The following ST6GAL2 variants were observed in gnomAD, a reference collection of about 807,000 sequenced individuals.
The protein encoded by ST6GAL2 is beta-galactoside alpha-2,6-sialyltransferase 2.
In ST6GAL2, 24 loss-of-function variants were observed where a neutral mutation model predicts 37.5. The ratio of observed to expected loss-of-function variants is 0.64; its 90% CI spans 0.46 to 0.90. ST6GAL2 has a LOEUF of 0.90. Ranked by LOEUF, ST6GAL2 falls within the 40% of genes least tolerant of loss-of-function variation. The pLI, the probability that ST6GAL2 is intolerant of heterozygous loss-of-function variation, is 0.00. For missense variants in ST6GAL2, 715 were observed against 712.7 expected (o/e 1.00, Z -0.04); for synonymous variants, 306 against 295.1 (o/e 1.04, Z -0.38).
intron 1 of ST6GAL2, among the ~76,000 whole-genome samples, chr2:106,883,586 A>T (rs903250595): frequency 6.6e-6 from 1 of 152,164 alleles, no homozygotes; most frequent in Admixed American, 6.5e-5. Context: ...ATTTTTTTTA[A>T]GGGATGAGAT....
intron 5 of ST6GAL2, among the ~76,000 whole-genome samples, chr2:106,817,014 G>T (rs1675828358): frequency 6.6e-6 from 1 of 152,220 alleles, no homozygotes; most frequent in African/African-American, 2.4e-5. Context: ...TATGGAAGGA[G>T]CATTTAGACC....
chr2:106,847,589 G>C (rs1451591587), intron 1 of ST6GAL2, among the ~76,000 whole-genome samples: 2 of 152,068 alleles, frequency 1.3e-5, no homozygotes, highest in Admixed American at 6.5e-5. Context: ...TCTGCTGCTT[G>C]CTAGCTCTGT....
chr2:106,874,707 G>C (rs1435236793), intron 1 of ST6GAL2, among the ~76,000 whole-genome samples: 1 of 152,184 alleles, frequency 6.6e-6, no homozygotes, highest in Non-Finnish European at 1.5e-5. Context: ...AGGTGATGCT[G>C]AAGCCCAAGA....
intron 1 of ST6GAL2, among the ~76,000 whole-genome samples, chr2:106,857,086 T>C (rs1485032418): frequency 6.6e-6 from 1 of 152,206 alleles, no homozygotes; most frequent in Non-Finnish European, 1.5e-5. Flanking sequence ...TGCAAGGCTT[T>C]GTAAAGGCTG....
At position 106,854,667 on chromosome 2, in the gene ST6GAL2, G is replaced by A. The variant is rs1455997742; in HGVS notation, c.-57-10633C>T. ...TCTTTAACTGACAATAAACTAACACGCCCCGGTTTAGATAAACACGAGTGT... is the reference window on the plus strand; with the variant it reads ...TCTTTAACTGACAATAAACTAACACACCCCGGTTTAGATAAACACGAGTGT... On this transcript the variant is annotated intron_variant, in intron 1 of 5. Transcript: ENST00000409382. 2.6e-5 allele frequency among the ~76,000 whole-genome samples: 4 copies of A among 151,956 alleles called. 1 individual carries two copies. The highest frequency in any genetic ancestry group is 2.1e-4 in the South Asian group (1 of 4,822).
In ST6GAL2 at chr2:106,842,981, C is replaced by T. The variant is rs537073180; in HGVS notation, c.943+54G>A. 2.2e-5 allele frequency: 28 copies of T among 1,282,956 alleles called. No homozygotes were observed. The African/African-American group carries it at 2.8e-4, about 13-fold the overall frequency. 79.5% of individuals were successfully genotyped at this position (1,282,956 alleles called of 1,614,324 possible). On this transcript the variant is annotated intron_variant, in intron 2 of 5. Transcript: ENST00000409382. Reference sequence around the variant, plus strand: ...AGGCGCGCTCAGAAAGAACCGGCCCCCAGGGACACACTGGCTCAAGACAGG... The same window carrying T: ...AGGCGCGCTCAGAAAGAACCGGCCCTCAGGGACACACTGGCTCAAGACAGG...
At chr2:106,882,977 G>C (rs1678814545) in intron 1 of ST6GAL2, among the ~76,000 whole-genome samples, 1 of 152,200 alleles carries the variant, frequency 6.6e-6, no homozygotes, top group Non-Finnish European at 1.5e-5. Context: ...GGTACTGTGG[G>C]ATAATCAGGA....
intron 5 of ST6GAL2, among the ~76,000 whole-genome samples, chr2:106,829,132 T>C (rs1039632894): frequency 6.6e-6 from 1 of 152,210 alleles, no homozygotes; most frequent in Non-Finnish European, 1.5e-5. Flanking sequence ...GCATAAGCTA[T>C]GTGAACAGGC....
At chr2:106,842,553 C>T (rs898434099) in intron 2 of ST6GAL2, among the ~76,000 whole-genome samples, 3 of 152,210 alleles carry the variant, frequency 2.0e-5, no homozygotes, top group Middle Eastern at 3.2e-3. Context: ...TTGGAGCTGA[C>T]GCCCTGATTG....
chr2:106,837,480 A>G (rs1021824722), intron 2 of ST6GAL2, among the ~76,000 whole-genome samples: 1 of 152,206 alleles, frequency 6.6e-6, no homozygotes, highest in Non-Finnish European at 1.5e-5. Flanking sequence ...GACCCTCGAA[A>G]GGGTCTTGCA....
chr2:106,838,527 G>T (rs1676738432), intron 2 of ST6GAL2, among the ~76,000 whole-genome samples: 1 of 152,150 alleles, frequency 6.6e-6, no homozygotes, highest in African/African-American at 2.4e-5. Context: ...GCACCCTCAA[G>T]TCCAGGCTCT....
intron 2 of ST6GAL2, among the ~76,000 whole-genome samples, chr2:106,842,385 G>C (rs912231287): frequency 1.3e-5 from 2 of 152,206 alleles, no homozygotes; most frequent in African/African-American, 4.8e-5. Flanking sequence ...TCTTGGAGAA[G>C]GTCCCTGGTA....
chr2:106,834,156 C>T lies in ST6GAL2; in HGVS notation c.944-10G>A, dbSNP rs764723196. 6.3e-7 allele frequency: 1 copy of T among 1,594,564 alleles called. No homozygotes were observed. Among genetic ancestry groups the T allele is most frequent in the Non-Finnish European group, 8.6e-7 (1 of 1,163,308 alleles). On this transcript the variant is annotated splice_polypyrimidine_tract_variant and intron_variant, in intron 2 of 5. Transcript: ENST00000409382. ...ACCGCATCATGAGAATCTAAGGGCA[C>T]ATAAGTGACAAGCTTACTTTTGTTC...
upstream of ST6GAL2, chr2:106,886,530 C>T (rs892660121): frequency 2.0e-5 from 3 of 151,770 alleles, no homozygotes; most frequent in Admixed American, 1.3e-4. Context: ...TACGCTCAGC[C>T]CCGCGCTGCA....
chr2:106,866,048 T>A (rs1678012557), intron 1 of ST6GAL2, among the ~76,000 whole-genome samples: 1 of 152,238 alleles, frequency 6.6e-6, no homozygotes, highest in South Asian at 2.1e-4. Context: ...AGGAATTAAC[T>A]TTTATTAAAG....
At chr2:106,878,015 G>A (rs1678578944) in intron 1 of ST6GAL2, among the ~76,000 whole-genome samples, 1 of 152,234 alleles carries the variant, frequency 6.6e-6, no homozygotes, top group Admixed American at 6.5e-5. Flanking sequence ...TTGCTTAGGT[G>A]CTGGATGCAC....
chr2:106,879,093 AG>A (rs1435527916), intron 1 of ST6GAL2, among the ~76,000 whole-genome samples: 1 of 152,200 alleles, frequency 6.6e-6, no homozygotes, highest in Non-Finnish European at 1.5e-5. Context: ...TGTGTAATAC[AG>A]TCTAAAGCTT....
intron 1 of ST6GAL2, among the ~76,000 whole-genome samples, chr2:106,883,580 T>G (rs1217017726): frequency 6.6e-6 from 1 of 152,218 alleles, no homozygotes; most frequent in African/African-American, 2.4e-5. Flanking sequence ...CATCCCATTT[T>G]TTTTAAGGGA....
At chr2:106,812,360 C>A (rs1675642777) in intron 5 of ST6GAL2, among the ~76,000 whole-genome samples, 1 of 152,214 alleles carries the variant, frequency 6.6e-6, no homozygotes, top group African/African-American at 2.4e-5. Context: ...GACAACAACA[C>A]AAATGAAATT....
Sources: allele counts gnomAD v4.1 joint callset (sites outside exome capture counted in the v4.1 genomes callset), GRCh38; gene constraint gnomAD v4.1.1; transcripts MANE v1.5; gene names NCBI Gene and HGNC (gene_info 2026-07-23, HGNC 2026-07-21).